VGLL4: variants seen among roughly 807,000 people sequenced by gnomAD.
VGLL4 encodes the protein vestigial like family member 4.
A neutral mutation model predicts 21.0 loss-of-function variants in VGLL4; 7 were observed. That is an observed-to-expected ratio of 0.33 (90% CI 0.19 to 0.63). The LOEUF (loss-of-function observed/expected upper bound fraction) is 0.63, where lower values mean the gene tolerates loss of function less well. Among genes scored for constraint, VGLL4 ranks in the 20% least tolerant of loss-of-function variants. The probability of loss-of-function intolerance (pLI) is 0.78; values close to 1 mark genes in which losing one functional copy is unlikely to be tolerated. For missense variants in VGLL4, 394 were observed against 425.7 expected, an observed-to-expected ratio of 0.93 and a Z score of 0.66; for synonymous variants, 222 against 173.2, an observed-to-expected ratio of 1.28 and a Z score of -2.21.
At chr3:11,668,202 A>T (rs1488528463) in intron 2 of VGLL4, among the ~76,000 whole-genome samples, 1 of 149,592 alleles carries the variant, frequency 6.7e-6, no homozygotes, top group Non-Finnish European at 1.5e-5. Context: ...TCTTCAAGAT[A>T]TAAATAAATA....
At chr3:11,625,324 C>A (rs2616552) in intron 1 of VGLL4, among the ~76,000 whole-genome samples, 55,447 of 152,096 alleles carry the variant, frequency 0.36, 12,610 homozygotes, top group African/African-American at 0.62. Flanking sequence ...ATCTCATTTG[C>A]CTCTATGACA....
intron 3 of VGLL4, among the ~76,000 whole-genome samples, chr3:11,563,811 T>C (rs2073263178): frequency 6.6e-6 from 1 of 152,198 alleles, no homozygotes; most frequent in South Asian, 2.1e-4. Context: ...TGTCAGGCTC[T>C]GAGGCAAGAT....
At chr3:11,643,080 A>C (rs530659314) in intron 1 of VGLL4, among the ~76,000 whole-genome samples, 1 of 152,316 alleles carries the variant, frequency 6.6e-6, no homozygotes, top group Admixed American at 6.5e-5. Flanking sequence ...CCTCCCCCAA[A>C]GAGGCTCAAC....
chr3:11,679,542 G>A (rs950479773), intron 2 of VGLL4, among the ~76,000 whole-genome samples: 1 of 152,062 alleles, frequency 6.6e-6, no homozygotes, highest in South Asian at 2.1e-4. Flanking sequence ...ACTTAGCCAG[G>A]CGTGGTAGCA....
At chr3:11,625,299 T>C (rs1244089153) in intron 1 of VGLL4, among the ~76,000 whole-genome samples, 2 of 152,222 alleles carry the variant, frequency 1.3e-5, no homozygotes, top group African/African-American at 2.4e-5. Context: ...CTAAATAGGA[T>C]TGCTAGCATT....
At chr3:11,638,548 T>A (rs2075630872) in intron 1 of VGLL4, among the ~76,000 whole-genome samples, 1 of 151,800 alleles carries the variant, frequency 6.6e-6, no homozygotes, top group Admixed American at 6.6e-5. Context: ...TCCCCCTTCC[T>A]CCCTAACCCC....
At chr3:11,564,711 T>TCCCTCACCACCTCC (rs1559859659) in intron 3 of VGLL4, 86 bp downstream of exon 3, 2 of 1,380,786 alleles carry the variant, frequency 1.4e-6, no homozygotes, top group Non-Finnish European at 9.8e-7. Flanking sequence ...ACCACCGCCC[T>TCCCTCACCACCTCC]CGGAGTCCTC....
intron 2 of VGLL4, among the ~76,000 whole-genome samples, chr3:11,675,509 T>C (rs1024691109): frequency 3.3e-5 from 5 of 152,316 alleles, no homozygotes; most frequent in South Asian, 4.1e-4. Context: ...TTTGTTCATA[T>C]GCTTTTAAAC....
At chr3:11,578,090 G>A (rs941272676) in intron 2 of VGLL4, among the ~76,000 whole-genome samples, 1 of 152,180 alleles carries the variant, frequency 6.6e-6, no homozygotes, top group African/African-American at 2.4e-5. Context: ...AAACACCAGC[G>A]TAGACAGTCT....
intron 2 of VGLL4, among the ~76,000 whole-genome samples, chr3:11,681,779 G>A (rs749390491): frequency 1.1e-4 from 16 of 152,210 alleles, no homozygotes; most frequent in Non-Finnish European, 2.1e-4. Flanking sequence ...ACATGCTAAG[G>A]ATGGAATGCA....
intron 1 of VGLL4, among the ~76,000 whole-genome samples, chr3:11,617,607 T>C (rs535304460): frequency 1.3e-5 from 2 of 152,322 alleles, no homozygotes; most frequent in South Asian, 4.1e-4. Context: ...ATCAGAGAGC[T>C]GGTATTCCAG....
At position 11,707,539 on chromosome 3, in the gene VGLL4, G is replaced by C. The variant is rs1278662930; in HGVS notation, c.-13-4492C>G. Among the ~76,000 whole-genome samples, 3 of 149,648 alleles carry C rather than the reference G, an allele frequency of 2.0e-5. No homozygotes were observed. The East Asian group carries it at 5.8e-4, about 29-fold the overall frequency. On this transcript the variant is annotated intron_variant, in intron 1 of 5. Transcript: ENST00000273038. ...AACAAAGCAAAGGTGGAAGATAACA[G>C]TTATTAAAAAAAAAAAAAATGGTCT...
intron 2 of VGLL4, among the ~76,000 whole-genome samples, chr3:11,688,138 A>C (rs372061503): frequency 2.0e-5 from 3 of 152,220 alleles, no homozygotes; most frequent in Non-Finnish European, 2.9e-5. Flanking sequence ...TTGTGATGCA[A>C]ATGGCTTACT....
intron 1 of VGLL4, among the ~76,000 whole-genome samples, chr3:11,716,952 G>A (rs910922399): frequency 1.3e-5 from 2 of 151,920 alleles, no homozygotes; most frequent in African/African-American, 2.4e-5. Context: ...AACATACCTC[G>A]AAGAAATTTC....
At position 11,601,921 on chromosome 3, in the gene VGLL4, T is replaced by C; in HGVS notation, c.184A>G (p.Arg62Gly). The C allele has an allele frequency of 6.2e-7, 1 of 1,613,802 alleles. No individual in the cohort carries two copies. ...TCACCTGGCTCCATGCTGAACTTCCTCTTGCTGGGGCTGATTGGGGGAGGG... is the reference window on the plus strand; with the variant it reads ...TCACCTGGCTCCATGCTGAACTTCCCCTTGCTGGGGCTGATTGGGGGAGGG... ...TGPPPISPSK[R>G]KFSMEPGDED... is the part of the protein sequence containing the mutation. The change falls in exon 2 of 5, where the codon AGG becomes GGG. Residue 62 changes from arginine (R) to glycine (G), a missense_variant. Arg to Gly is a moderately radical substitution (Grantham distance 125, BLOSUM62 -2). Coordinates refer to ENST00000430365, the MANE Select transcript of VGLL4 (RefSeq NM_001128219.3).
In VGLL4 at chr3:11,709,177, C is replaced by G. The variant is rs529701699; in HGVS notation, c.-13-6130G>C. On this transcript the variant is annotated intron_variant, in intron 1 of 5. Coordinates refer to the VGLL4 transcript ENST00000273038. ...AGAGGGCCAGGTGCAGTGGCTCATG[C>G]CTGTAATCCCAGTACTTTGGGAGGC... Among the ~76,000 whole-genome samples, 33 of 152,136 alleles carry G rather than the reference C, an allele frequency of 2.2e-4. No homozygotes were observed. The South Asian group carries it at 6.9e-3, about 32-fold the overall frequency.
At chr3:11,658,980 G>A (rs566527139) in intron 2 of VGLL4, among the ~76,000 whole-genome samples, 1 of 152,226 alleles carries the variant, frequency 6.6e-6, no homozygotes, top group Admixed American at 6.5e-5. Flanking sequence ...CAGGCGTCAG[G>A]CACAACTATC....
At chr3:11,605,354 C>T (rs1396120064) in intron 1 of VGLL4, among the ~76,000 whole-genome samples, 1 of 143,548 alleles carries the variant, frequency 7.0e-6, no homozygotes, top group Non-Finnish European at 1.5e-5. Flanking sequence ...CCATTCTCAG[C>T]ATGTTGGCCC....
chr3:11,618,879 C>G (rs749786289), intron 1 of VGLL4, among the ~76,000 whole-genome samples: 2 of 152,154 alleles, frequency 1.3e-5, no homozygotes, highest in Admixed American at 6.5e-5. Context: ...CTTTTCATTT[C>G]TATTTCTTTC....
Sources: gnomAD v4.1 joint callset for allele counts (sites outside exome capture counted in the v4.1 genomes callset) on GRCh38, gnomAD v4.1.1 for gene constraint, MANE v1.5 for transcripts, NCBI Gene and HGNC (gene_info 2026-07-23, HGNC 2026-07-21) for gene names.